The following CYFIP1 variants were observed in gnomAD, a reference collection of about 807,000 sequenced individuals.
The protein encoded by CYFIP1 is cytoplasmic FMR1-interacting protein 1.
Under a neutral mutation model 163.5 loss-of-function variants are expected in CYFIP1, and 58 were observed. The ratio of observed to expected loss-of-function variants is 0.35; its 90% CI spans 0.29 to 0.44. The LOEUF (loss-of-function observed/expected upper bound fraction) is 0.44. Among genes scored for constraint, CYFIP1 ranks in the 20% least tolerant of loss-of-function variants. CYFIP1 has a pLI of 1.00. For missense variants in CYFIP1, 1,338 were observed against 1,653.8 expected (o/e 0.81, Z 3.31); for synonymous variants, 663 against 660.7 (o/e 1.00, Z -0.05).
At chr15:22,971,981 T>C (rs2063114654) in intron 1 of CYFIP1, among the ~76,000 whole-genome samples, 1 of 152,244 alleles carries the variant, frequency 6.6e-6, no homozygotes, top group Non-Finnish European at 1.5e-5. Context: ...CAATGCAATC[T>C]ACAGATTCAA....
intron 21 of CYFIP1, chr15:22,904,560 G>A (rs939150257): frequency 1.3e-5 from 2 of 153,086 alleles, no homozygotes; most frequent in African/African-American, 4.8e-5. Context: ...GAATTAATAT[G>A]GGGATACAGT....
chr15:22,918,264 G>GC (rs1462489274), intron 14 of CYFIP1, among the ~76,000 whole-genome samples: 1 of 152,172 alleles, frequency 6.6e-6, no homozygotes, highest in African/African-American at 2.4e-5. Flanking sequence ...GCAGAGCTGG[G>GC]CCCCGCCTGC....
At chr15:22,933,378 G>A (rs1256136986) in intron 10 of CYFIP1, among the ~76,000 whole-genome samples, 5 of 150,528 alleles carry the variant, frequency 3.3e-5, no homozygotes, top group East Asian at 2.0e-4. Flanking sequence ...GCAGTGGCGC[G>A]ATCTCTGCTC....
chr15:22,872,307 A>AG (rs201756982), intron 30 of CYFIP1, among the ~76,000 whole-genome samples: 11 of 150,080 alleles, frequency 7.3e-5, no homozygotes, highest in African/African-American at 2.7e-4. Flanking sequence ...AAAAAAAAAA[A>AG]AAAGAAAGAA....
intron 1 of CYFIP1, among the ~76,000 whole-genome samples, chr15:22,955,045 C>A (rs1480138482): frequency 1.3e-5 from 2 of 152,216 alleles, no homozygotes; most frequent in African/African-American, 4.8e-5. Context: ...ATCGTGGAAC[C>A]CCAGATGGGC....
chr15:22,867,355 A>AAGTT lies in CYFIP1; in HGVS notation c.*2669_*2672dup. The AAGTT allele has an allele frequency of 2.5e-6, 1 of 394,640 alleles. No homozygotes were observed. The highest frequency in any genetic ancestry group is 4.5e-6 in the Non-Finnish European group (1 of 224,064). The allele number at this position is 394,640 out of a possible 1,614,324, so 24.4% of individuals were successfully genotyped here. A position where few individuals can be genotyped will look rare whatever the true frequency, so the allele number is the denominator to read the frequency against. On this transcript the variant is annotated 3_prime_UTR_variant, in exon 31 of 31. Coordinates refer to ENST00000617928, the MANE Select transcript of CYFIP1 (RefSeq NM_014608.6). ...TTGAAATATTTATTAAGGGAAAACT[A>AAGTT]AGTTACTGAATGAAGGAACCTCTTT...
At chr15:22,966,077 A>C (rs538756742) in intron 1 of CYFIP1, among the ~76,000 whole-genome samples, 6 of 152,164 alleles carry the variant, frequency 3.9e-5, no homozygotes, top group Non-Finnish European at 7.4e-5. Flanking sequence ...GGTCGGGTGC[A>C]GTGGATCACA....
chr15:22,879,087 C>T (rs191632210), intron 26 of CYFIP1, among the ~76,000 whole-genome samples: 1 of 149,230 alleles, frequency 6.7e-6, no homozygotes, highest in Non-Finnish European at 1.5e-5. Flanking sequence ...AGTGAGCCAA[C>T]ATCACGCCAC....
intron 21 of CYFIP1, among the ~76,000 whole-genome samples, chr15:22,908,334 G>T (rs1235735646): frequency 6.6e-6 from 1 of 152,000 alleles, no homozygotes; most frequent in East Asian, 1.9e-4. Flanking sequence ...CCCAAAGAGG[G>T]TGAGCGGGGA....
intron 1 of CYFIP1, chr15:22,951,514 C>T (rs1458935255): frequency 7.8e-7 from 1 of 1,288,146 alleles, no homozygotes; most frequent in East Asian, 5.5e-5. Context: ...CGTGCTTCGG[C>T]CCCATAGGGG....
At chr15:22,901,096 C>T (rs56725701) in intron 22 of CYFIP1, among the ~76,000 whole-genome samples, 2,036 of 151,452 alleles carry the variant, frequency 0.013, 49 homozygotes, top group African/African-American at 0.047. Flanking sequence ...CCAGCTACTC[C>T]GGAGGCTGAG....
intron 23 of CYFIP1, among the ~76,000 whole-genome samples, chr15:22,885,828 G>A (rs1396260233): frequency 1.3e-5 from 2 of 152,130 alleles, no homozygotes; most frequent in Non-Finnish European, 2.9e-5. Flanking sequence ...CCTCCGAACT[G>A]TTCCAACCTC....
chr15:22,868,795 TTGG>T lies in CYFIP1; in HGVS notation c.*1230_*1232del, dbSNP rs1422681345. 2 of 152,140 alleles carry T rather than the reference TTGG, an allele frequency of 1.3e-5. No individual in the cohort carries two copies. Among genetic ancestry groups the T allele is most frequent in the Non-Finnish European group, 2.9e-5 (2 of 68,014 alleles). 9.4% of individuals were successfully genotyped at this position (152,140 alleles called of 1,614,324 possible). A position where few individuals can be genotyped will look rare whatever the true frequency, so the allele number is the denominator to read the frequency against. On this transcript the variant is annotated 3_prime_UTR_variant, in exon 31 of 31. Coordinates refer to ENST00000617928, the MANE Select transcript of CYFIP1 (RefSeq NM_014608.6). ...TTGGCATCCATAGAAAATTTTAAAATTGGTGAAGGTTGCAATACTCCAAATAAT... is the reference window on the plus strand; with the variant it reads ...TTGGCATCCATAGAAAATTTTAAAATTGAAGGTTGCAATACTCCAAATAAT...
intron 13 of CYFIP1, among the ~76,000 whole-genome samples, chr15:22,923,042 T>C (rs1385969603): frequency 6.6e-6 from 1 of 151,398 alleles, no homozygotes; most frequent in African/African-American, 2.4e-5. Flanking sequence ...GAGTAAATCA[T>C]CATGACCTGG....
At chr15:22,882,458 A>T (rs1342871613) in intron 24 of CYFIP1, among the ~76,000 whole-genome samples, 2 of 152,234 alleles carry the variant, frequency 1.3e-5, no homozygotes, top group African/African-American at 4.8e-5. Context: ...AAGTCACAGA[A>T]GATTAAAATA....
chr15:22,883,122 T>A, intron 23 of CYFIP1, 111 bp from the exon 24 acceptor site: 1 of 1,294,808 alleles, frequency 7.7e-7, no homozygotes, highest in Non-Finnish European at 1.1e-6. Context: ...CGGGTCTGAG[T>A]CTACTGACTT....
Position 22,867,118 on chromosome 15 carries a change from CACTAATG to C in CYFIP1, c.*2903_*2909del, listed in dbSNP as rs2059148841. ...TCATCCCTTCTCCAAAAGCCGAATG[CACTAATG>C]ACAGTTTTAAGTCTATGAAAATGCT... is the stretch of plus-strand genomic sequence containing the variant. On this transcript the variant is annotated 3_prime_UTR_variant, in exon 31 of 31. Coordinates refer to ENST00000617928, the MANE Select transcript of CYFIP1 (RefSeq NM_014608.6). The C allele has an allele frequency of 4.1e-6, 2 of 483,386 alleles. No homozygotes were observed. Among genetic ancestry groups the C allele is most frequent in the African/African-American group, 4.0e-5 (2 of 49,986 alleles). The allele number at this position is 483,386 out of a possible 1,614,324, so 29.9% of individuals were successfully genotyped here. A position where few individuals can be genotyped will look rare whatever the true frequency, so the allele number is the denominator to read the frequency against.
chr15:22,969,459 C>A (rs956069084), intron 1 of CYFIP1, among the ~76,000 whole-genome samples: 2 of 152,206 alleles, frequency 1.3e-5, no homozygotes, highest in Non-Finnish European at 1.5e-5. Context: ...TCCCTAATTT[C>A]TTGAGACCAT....
At chr15:22,913,527 C>CAA (rs35228444) in intron 17 of CYFIP1, among the ~76,000 whole-genome samples, 1,255 of 10,250 alleles carry the variant, frequency 0.12, 189 homozygotes, top group Non-Finnish European at 0.15. Flanking sequence ...GGCTCTGTCT[C>CAA]AAAAAAAAAA....
Sources: allele counts gnomAD v4.1 joint callset (sites outside exome capture counted in the v4.1 genomes callset), GRCh38; gene constraint gnomAD v4.1.1; transcripts MANE v1.5; gene names NCBI Gene and HGNC (gene_info 2026-07-23, HGNC 2026-07-21).